KLHL13: variants seen among roughly 807,000 people sequenced by gnomAD.
KLHL13 encodes kelch-like protein 13.
Under a neutral mutation model 37.1 loss-of-function variants are expected in KLHL13, and 10 were observed. The observed-to-expected ratio is 0.27, with a 90% CI of 0.17 to 0.46. The LOEUF (loss-of-function observed/expected upper bound fraction) is 0.46, where lower values mean the gene tolerates loss of function less well. Among genes scored for constraint, KLHL13 ranks in the 20% least tolerant of loss-of-function variants. The probability of loss-of-function intolerance (pLI) is 1.00; values close to 1 mark genes in which losing one functional copy is unlikely to be tolerated. For missense variants in KLHL13, 360 were observed against 509.3 expected, an observed-to-expected ratio of 0.71 and a Z score of 2.82; for synonymous variants, 163 against 181.2, an observed-to-expected ratio of 0.90 and a Z score of 0.81.
At chrX:117,987,268 G>T (rs2053738867) in intron 1 of KLHL13, among the ~76,000 whole-genome samples, 1 of 111,359 alleles carries the variant, frequency 9.0e-6, no homozygotes, top group African/African-American at 3.3e-5. Flanking sequence ...TTCACCCAAA[G>T]ATCCATATAA....
rs969602274 is a variant in KLHL13 at position 117,905,305 on chromosome X, T to C, written c.1367-3359A>G. Among the ~76,000 whole-genome samples the C allele has an allele frequency of 3.6e-5, 4 of 112,214 alleles. No individual in the cohort carries two copies. The Admixed American group carries it at 3.8e-4, about 11-fold the overall frequency. ...GGAGCTGTCATAATCTTCTTCAATA[T>C]AGGAAGCCTCAATAGAAGATTGATT... On this transcript the variant is annotated intron_variant, in intron 5 of 6. Coordinates refer to ENST00000262820, the Ensembl canonical transcript of KLHL13.
chrX:118,111,901 AAAAAAGAAAAAG>A (rs921305843), intron 1 of KLHL13, among the ~76,000 whole-genome samples: 1 of 112,071 alleles, frequency 8.9e-6, no homozygotes, highest in African/African-American at 3.3e-5. Context: ...CTCCGTCTAA[AAAAAAGAAAAAG>A]AAAAAGAGAA....
chrX:118,013,125 T>G (rs1268998897), intron 1 of KLHL13, among the ~76,000 whole-genome samples: 1 of 112,058 alleles, frequency 8.9e-6, no homozygotes, highest in African/African-American at 3.2e-5. Flanking sequence ...TTGAACAAGA[T>G]GCCTGGCCTC....
Position 118,081,209 on chromosome X carries a change from T to C in KLHL13, c.-56+35299A>G, listed in dbSNP as rs189191216. Among the ~76,000 whole-genome samples the C allele has an allele frequency of 4.5e-3, 499 of 111,688 alleles. 1 individual carries two copies. Among genetic ancestry groups the C allele is most frequent in the Non-Finnish European group, 7.0e-3 (372 of 53,050 alleles). ...TATACCCATGTAACAAACCTGCATATGTGTACACCCTGTATCTAAAATAAA... is the reference window on the plus strand; with the variant it reads ...TATACCCATGTAACAAACCTGCATACGTGTACACCCTGTATCTAAAATAAA... On this transcript the variant is annotated intron_variant, in intron 1 of 6. Coordinates refer to the KLHL13 transcript ENST00000371882.
chrX:117,998,506 C>A (rs1170380933), intron 1 of KLHL13, among the ~76,000 whole-genome samples: 1 of 111,067 alleles, frequency 9.0e-6, no homozygotes, highest in East Asian at 2.8e-4. Context: ...ATCAAAGAAT[C>A]ACAGATATCA....
At chrX:118,085,797 GT>G (rs1374118215) in intron 1 of KLHL13, among the ~76,000 whole-genome samples, 9 of 16,266 alleles carry the variant, frequency 5.5e-4, no homozygotes, top group African/African-American at 3.4e-3. Flanking sequence ...ATATTCCATG[GT>G]GTGTGTGTGT....
intron 1 of KLHL13, among the ~76,000 whole-genome samples, chrX:118,099,894 A>AGAAGGAAAGAAAGAAGGAAGAAAG (rs1569317441): frequency 1.7e-3 from 160 of 96,178 alleles, no homozygotes; most frequent in African/African-American, 7.4e-3. Flanking sequence ...AAGGAAGGAA[A>AGAAGGAAAGAAAGAAGGAAGAAAG]GAAGGAAGGA....
At chrX:118,004,546 T>C (rs1275479114) in intron 1 of KLHL13, among the ~76,000 whole-genome samples, 1 of 111,538 alleles carries the variant, frequency 9.0e-6, no homozygotes, top group Non-Finnish European at 1.9e-5. Context: ...ATAAACCAGC[T>C]TGAAGGGGAT....
intron 1 of KLHL13, among the ~76,000 whole-genome samples, chrX:118,036,797 T>G (rs1275075281): frequency 1.8e-5 from 2 of 109,818 alleles, no homozygotes; most frequent in Non-Finnish European, 3.8e-5. Flanking sequence ...ACCATCAGAG[T>G]GAACAGGAAA....
At position 117,919,737 on chromosome X, in the gene KLHL13, A is replaced by G; in HGVS notation, c.374-20T>C. On this transcript the variant is annotated intron_variant, in intron 3 of 6. Transcript: ENST00000262820. ...TTCCACCTTAAATAAAAAGACATTC[A>G]ATTAAATGAAGGTGGATAATTATGG... is the stretch of plus-strand genomic sequence containing the variant. 9.0e-7 allele frequency: 1 copy of G among 1,108,104 alleles called. No homozygotes were observed. The highest frequency in any genetic ancestry group is 3.0e-5 in the East Asian group (1 of 33,380). 91.3% of individuals were successfully genotyped at this position (1,108,104 alleles called of 1,213,427 possible).
intron 4 of KLHL13, among the ~76,000 whole-genome samples, chrX:117,914,521 T>C (rs1931214185): frequency 9.0e-6 from 1 of 111,386 alleles, no homozygotes; most frequent in Non-Finnish European, 1.9e-5. Flanking sequence ...GTCCACAGAA[T>C]AAGACTAGGA....
intron 1 of KLHL13, chrX:117,985,258 C>G: frequency 6.1e-6 from 7 of 1,144,973 alleles, no homozygotes; most frequent in Non-Finnish European, 8.1e-6. Context: ...CCATTTTTCT[C>G]TTAAGGTTTG....
chrX:117,924,351 G>A (rs191409547), intron 2 of KLHL13, among the ~76,000 whole-genome samples: 135 of 111,967 alleles, frequency 1.2e-3, no homozygotes, highest in Admixed American at 2.4e-3. Context: ...GAAAAAGAGA[G>A]AGGTTCATTA....
intron 1 of KLHL13, among the ~76,000 whole-genome samples, chrX:118,114,044 C>T (rs2055440557): frequency 2.7e-5 from 3 of 112,370 alleles, no homozygotes; most frequent in African/African-American, 9.7e-5. Context: ...AGTCTTTCCA[C>T]ATTTTCTGAA....
In KLHL13 at chrX:117,938,151, T is replaced by C. The variant is rs376197450; in HGVS notation, c.240+7283A>G. Among the ~76,000 whole-genome samples the C allele has an allele frequency of 9.9e-4, 111 of 112,189 alleles. 1 individual carries two copies. In the South Asian group the frequency reaches 0.04, roughly 41 times the overall value. ...TATGGATGTATCACATTTTCCCTGT[T>C]ACTTTTTTTTAGTATCTTATATTCT... On this transcript the variant is annotated intron_variant, in intron 2 of 6. Coordinates refer to ENST00000262820, the Ensembl canonical transcript of KLHL13.
intron 1 of KLHL13, among the ~76,000 whole-genome samples, chrX:118,042,288 G>C (rs1271019052): frequency 9.0e-6 from 1 of 111,269 alleles, no homozygotes. Flanking sequence ...TTCAGCATTG[G>C]ACACATCACC....
intron 1 of KLHL13, among the ~76,000 whole-genome samples, chrX:118,111,207 G>C (rs1263432188): frequency 8.9e-6 from 1 of 112,332 alleles, no homozygotes; most frequent in Non-Finnish European, 1.9e-5. Flanking sequence ...GAAATGTCCA[G>C]ACCTTTAGAC....
rs1284198372 is a variant in KLHL13 at position 118,041,070 on chromosome X, A to T, written c.-56+75438T>A. On this transcript the variant is annotated intron_variant, in intron 1 of 6. Coordinates refer to the KLHL13 transcript ENST00000371882. ...CTGTCCTAGAAGAAATGCTAAAGGG[A>T]GTTCCTCAATCTGAAAGAAAAGGAT... 6.2e-5 allele frequency among the ~76,000 whole-genome samples: 7 copies of T among 112,554 alleles called. No individual in the cohort carries two copies. In the Admixed American group the frequency reaches 6.6e-4, roughly 11 times the overall value.
intron 1 of KLHL13, among the ~76,000 whole-genome samples, chrX:118,092,239 T>C (rs958940563): frequency 9.0e-6 from 1 of 111,583 alleles, no homozygotes; most frequent in Admixed American, 9.5e-5. Context: ...AATAAGAAAA[T>C]TGACTCTAAA....
Sources: allele counts gnomAD v4.1 joint callset (sites outside exome capture counted in the v4.1 genomes callset), GRCh38; gene constraint gnomAD v4.1.1; transcripts MANE v1.5; gene names NCBI Gene and HGNC (gene_info 2026-07-23, HGNC 2026-07-21).